The following SMC5 variants were observed in gnomAD, a reference collection of about 807,000 sequenced individuals.
SMC5 encodes structural maintenance of chromosomes protein 5.
In SMC5, 88 loss-of-function variants were observed where a neutral mutation model predicts 148.3. That is an observed-to-expected ratio of 0.59 (90% CI 0.50 to 0.71). SMC5 has a LOEUF of 0.71. Ranked by LOEUF, SMC5 falls within the 30% of genes least tolerant of loss-of-function variation. SMC5 has a pLI of 0.00. For missense variants in SMC5, 1,142 were observed against 1,298.9 expected (o/e 0.88, Z 1.86); for synonymous variants, 421 against 432.8 (o/e 0.97, Z 0.34).
In SMC5 at chr9:70,296,022, TCTTG is replaced by T. The variant is rs1026299920; in HGVS notation, c.1054-1940_1054-1937del. Reference sequence around the variant, plus strand: ...TCTTAATTTTTTCAGATATATTTTCTCTTGCTTCTGTATGTTTGGTTATAGGAGA... The same window carrying T: ...TCTTAATTTTTTCAGATATATTTTCTCTTCTGTATGTTTGGTTATAGGAGA... On this transcript the variant is annotated intron_variant, in intron 8 of 24. Transcript: ENST00000361138. Among the ~76,000 whole-genome samples, 232 of 152,292 alleles carry T rather than the reference TCTTG, an allele frequency of 1.5e-3. 1 individual carries two copies. The highest frequency in any genetic ancestry group is 5.2e-3 in the African/African-American group (217 of 41,566).
chr9:70,347,905 G>C lies in SMC5; in HGVS notation c.2770-14G>C. ...TGCTTTTAAATTGTGTTTTTATATT[G>C]CCTTTATTTGTAGGTAAAAGAAAGG... On this transcript the variant is annotated splice_polypyrimidine_tract_variant and intron_variant, in intron 21 of 24. Coordinates refer to ENST00000361138, the MANE Select transcript of SMC5 (RefSeq NM_015110.4). 6.4e-7 allele frequency: 1 copy of C among 1,565,474 alleles called. No individual in the cohort carries two copies.
intron 1 of SMC5, among the ~76,000 whole-genome samples, chr9:70,262,329 A>C (rs2034160656): frequency 6.6e-6 from 1 of 152,184 alleles, no homozygotes; most frequent in South Asian, 2.1e-4. Context: ...AGGAGATAAA[A>C]AGTAGAAAAA....
chr9:70,281,456 T>C (rs2034748196), intron 6 of SMC5, among the ~76,000 whole-genome samples: 1 of 152,206 alleles, frequency 6.6e-6, no homozygotes, highest in Admixed American at 6.5e-5. Context: ...AGTTTTTGAT[T>C]GTTGTTTTAA....
At chr9:70,288,445 A>T (rs573811761) in intron 8 of SMC5, among the ~76,000 whole-genome samples, 160 of 151,998 alleles carry the variant, frequency 1.1e-3, no homozygotes, top group Middle Eastern at 6.8e-3. Context: ...AATTTTTTTT[A>T]AAAATCAACT....
chr9:70,292,622 T>TA (rs1449708289), intron 8 of SMC5, among the ~76,000 whole-genome samples: 4 of 152,172 alleles, frequency 2.6e-5, no homozygotes, highest in Non-Finnish European at 5.9e-5. Flanking sequence ...ATTCAGTATG[T>TA]AATAATAGCA....
At chr9:70,345,375 C>A (rs1026119639) in intron 18 of SMC5, among the ~76,000 whole-genome samples, 1 of 151,704 alleles carries the variant, frequency 6.6e-6, no homozygotes, top group Non-Finnish European at 1.5e-5. Flanking sequence ...AAACACAAAT[C>A]AAAAATCAGA....
In SMC5 at chr9:70,315,455, A is replaced by G. The variant is rs767386287; in HGVS notation, c.1683A>G (p.Gly561=). The change falls in exon 13 of 25, where the codon GGA becomes GGG. Residue 561 remains glycine, a synonymous_variant. Coordinates refer to ENST00000361138, the MANE Select transcript of SMC5 (RefSeq NM_015110.4). ...SRSLNELKQY[G]FFSYLRELFD... ...ATACTTTTCCTTTCAGACAATACGG[A>G]TTTTTCTCTTATTTGAGAGAATTAT... 1.3e-6 allele frequency: 2 copies of G among 1,585,558 alleles called. No homozygotes were observed. Among genetic ancestry groups the G allele is most frequent in the Non-Finnish European group, 1.7e-6 (2 of 1,164,778 alleles).
At chr9:70,308,440 A>C (rs2035563819) in intron 11 of SMC5, among the ~76,000 whole-genome samples, 1 of 151,872 alleles carries the variant, frequency 6.6e-6, no homozygotes, top group South Asian at 2.1e-4. Flanking sequence ...AAAAATACAA[A>C]AAATTAGCCG....
intron 17 of SMC5, among the ~76,000 whole-genome samples, chr9:70,335,829 T>C (rs1290989342): frequency 6.6e-6 from 1 of 152,178 alleles, no homozygotes; most frequent in Non-Finnish European, 1.5e-5. Context: ...AAAACTGAAA[T>C]GAGTTACCAA....
At chr9:70,309,318 C>CTTTTTTTTTTTTTTTTTTTTTTTTTTTTT (rs59694037) in intron 11 of SMC5, among the ~76,000 whole-genome samples, 1 of 79,180 alleles carries the variant, frequency 1.3e-5, no homozygotes, top group African/African-American at 4.6e-5. Flanking sequence ...TTTCCTTTTC[C>CTTTTTTTTTTTTTTTTTTTTTTTTTTTTT]TTTTTTTTTT....
At chr9:70,308,599 A>G (rs1451812872) in intron 11 of SMC5, among the ~76,000 whole-genome samples, 4 of 93,662 alleles carry the variant, frequency 4.3e-5, no homozygotes, top group Non-Finnish European at 9.2e-5. Flanking sequence ...TCAAAAAAAA[A>G]AAAAAAAAAA....
At chr9:70,345,199 A>C (rs945543131) in intron 18 of SMC5, among the ~76,000 whole-genome samples, 2 of 152,116 alleles carry the variant, frequency 1.3e-5, no homozygotes, top group African/African-American at 4.8e-5. Context: ...CAGAAAAAGC[A>C]TGATTCTATT....
At chr9:70,267,229 T>C (rs556310547) in intron 2 of SMC5, among the ~76,000 whole-genome samples, 2 of 152,112 alleles carry the variant, frequency 1.3e-5, no homozygotes, top group Non-Finnish European at 2.9e-5. Flanking sequence ...AAGATTACTA[T>C]TTGTGAGGTA....
chr9:70,280,990 G>T, intron 6 of SMC5, 91 bp downstream of exon 6: 5 of 1,424,912 alleles, frequency 3.5e-6, no homozygotes, highest in African/African-American at 1.4e-5. Context: ...ATTCAAGTTA[G>T]GTGCTTCTTT....
chr9:70,309,983 A>C (rs990462819), intron 11 of SMC5, among the ~76,000 whole-genome samples: 3 of 152,132 alleles, frequency 2.0e-5, no homozygotes, highest in Admixed American at 1.3e-4. Flanking sequence ...AGTAGCTGGG[A>C]TTACAGGTAT....
chr9:70,309,703 C>T (rs1391503439), intron 11 of SMC5, among the ~76,000 whole-genome samples: 3 of 152,138 alleles, frequency 2.0e-5, no homozygotes, highest in Non-Finnish European at 4.4e-5. Flanking sequence ...TCTTGCTTTT[C>T]CACCACATCT....
intron 8 of SMC5, among the ~76,000 whole-genome samples, chr9:70,288,213 A>G (rs557563277): frequency 2.0e-4 from 31 of 152,274 alleles, no homozygotes; most frequent in African/African-American, 7.0e-4. Flanking sequence ...TTTTGTATTT[A>G]GGATTTTTTG....
chr9:70,314,686 A>G, intron 11 of SMC5, 56 bp from the exon 12 acceptor site: 1 of 893,478 alleles, frequency 1.1e-6, no homozygotes, highest in Non-Finnish European at 1.6e-6. Flanking sequence ...ACTATAAATC[A>G]TTTCAGTAGA....
Position 70,277,463 on chromosome 9 carries a change from T to TC in SMC5, c.535dup (p.Leu179ProfsTer11), listed in dbSNP as rs1564025948. On this transcript the variant is annotated frameshift_variant, in exon 4 of 25. Transcript: ENST00000361138. LOFTEE classifies it high-confidence loss of function. The stretch of plus-strand genomic sequence containing the variant: ...TTCAAGTGGGGAATCTTTGCCAGTT[T>TC]CTCCCTCAGGTATGAGAGAAATAAA... 1 of 1,587,710 alleles carries TC rather than the reference T, an allele frequency of 6.3e-7. No individual in the cohort carries two copies. Among genetic ancestry groups the TC allele is most frequent in the Non-Finnish European group, 8.5e-7 (1 of 1,169,988 alleles).
Sources: allele counts gnomAD v4.1 joint callset (sites outside exome capture counted in the v4.1 genomes callset), GRCh38; gene constraint gnomAD v4.1.1; transcripts MANE v1.5; gene names NCBI Gene and HGNC (gene_info 2026-07-23, HGNC 2026-07-21).